Variants in EPHA6 observed in about 807,000 individuals in gnomAD.
EPHA6 encodes the protein ephrin type-A receptor 6.
In EPHA6, 50 loss-of-function variants were observed where a neutral mutation model predicts 112.0. That is an observed-to-expected ratio of 0.45 (90% CI 0.36 to 0.56). The LOEUF is 0.56. Ranked by LOEUF, EPHA6 falls within the 20% of genes least tolerant of loss-of-function variation. The pLI, the probability that EPHA6 is intolerant of heterozygous loss-of-function variation, is 0.00. For synonymous variants in EPHA6, 529 were observed against 490.7 expected (o/e 1.08, Z -1.03); for missense variants, 1,280 against 1,417.4 (o/e 0.90, Z 1.56).
At chr3:97,501,045 G>T (rs1199227142) in intron 10 of EPHA6, among the ~76,000 whole-genome samples, 1 of 152,010 alleles carries the variant, frequency 6.6e-6, no homozygotes, top group Non-Finnish European at 1.5e-5. Context: ...AACAGTTCTG[G>T]ACTTTAGTTT....
chr3:96,823,824 G>C (rs997976848), intron 1 of EPHA6, among the ~76,000 whole-genome samples: 5 of 151,694 alleles, frequency 3.3e-5, no homozygotes, highest in African/African-American at 1.2e-4. Context: ...AATTTAATGA[G>C]GGAGCAGTCA....
At chr3:97,273,574 G>A (rs1477401917) in intron 5 of EPHA6, among the ~76,000 whole-genome samples, 1 of 152,164 alleles carries the variant, frequency 6.6e-6, no homozygotes, top group Non-Finnish European at 1.5e-5. Flanking sequence ...AAAGTGGTAA[G>A]AGTATTGTCC....
intron 12 of EPHA6, among the ~76,000 whole-genome samples, chr3:97,594,992 TA>T (rs2093575395): frequency 6.6e-6 from 1 of 152,212 alleles, no homozygotes; most frequent in African/African-American, 2.4e-5. Flanking sequence ...CTCAATTACT[TA>T]TCATAATCAA....
chr3:97,691,575 T>C (rs1236934920), intron 14 of EPHA6, among the ~76,000 whole-genome samples: 2 of 152,210 alleles, frequency 1.3e-5, no homozygotes, highest in Non-Finnish European at 2.9e-5. Context: ...TACTGACTTC[T>C]ATAAATATAC....
intron 2 of EPHA6, among the ~76,000 whole-genome samples, chr3:96,935,900 A>G (rs2040557122): frequency 6.6e-6 from 1 of 151,902 alleles, no homozygotes; most frequent in South Asian, 2.1e-4. Flanking sequence ...CTCATTAGTG[A>G]AAATGAATAT....
chr3:97,219,282 T>A (rs1576706402), intron 3 of EPHA6, among the ~76,000 whole-genome samples: 1 of 152,238 alleles, frequency 6.6e-6, no homozygotes, highest in East Asian at 1.9e-4. Flanking sequence ...GTGTTGGGGC[T>A]TAAACCCTAC....
chr3:96,866,136 T>C (rs1226931813), intron 1 of EPHA6, among the ~76,000 whole-genome samples: 1 of 152,106 alleles, frequency 6.6e-6, no homozygotes, highest in Non-Finnish European at 1.5e-5. Context: ...AACCCAACTT[T>C]AGCTTAACTT....
chr3:96,920,519 C>T (rs927667437), intron 2 of EPHA6, among the ~76,000 whole-genome samples: 2 of 152,018 alleles, frequency 1.3e-5, no homozygotes, highest in African/African-American at 4.8e-5. Flanking sequence ...TTCTCTTGGT[C>T]AATTAAGTTC....
intron 3 of EPHA6, among the ~76,000 whole-genome samples, chr3:97,024,518 TG>T (rs1274400450): frequency 6.6e-6 from 1 of 152,200 alleles, no homozygotes; most frequent in Non-Finnish European, 1.5e-5. Context: ...ATGAAGAATT[TG>T]AATAAAGCAT....
chr3:97,655,123 T>C (rs2094130165), intron 14 of EPHA6, among the ~76,000 whole-genome samples: 1 of 147,818 alleles, frequency 6.8e-6, no homozygotes, highest in Admixed American at 6.8e-5. Flanking sequence ...TTATATATTT[T>C]ATATATATAT....
At chr3:96,981,911 C>A (rs2042807310) in intron 2 of EPHA6, among the ~76,000 whole-genome samples, 1 of 152,070 alleles carries the variant, frequency 6.6e-6, no homozygotes, top group Admixed American at 6.6e-5. Flanking sequence ...TCCCCTTTAT[C>A]ATTTTTTATT....
At chr3:97,079,443 A>T (rs115177928) in intron 3 of EPHA6, among the ~76,000 whole-genome samples, 2,409 of 152,022 alleles carry the variant, frequency 0.016, 58 homozygotes, top group African/African-American at 0.056. Flanking sequence ...CACTGGGCCT[A>T]TCAGAGGGTG....
chr3:97,256,039 T>G (rs1398680888), intron 5 of EPHA6, among the ~76,000 whole-genome samples: 1 of 152,108 alleles, frequency 6.6e-6, no homozygotes, highest in Non-Finnish European at 1.5e-5. Flanking sequence ...TCTGAAGACC[T>G]TTTCTTATGA....
intron 2 of EPHA6, among the ~76,000 whole-genome samples, chr3:96,944,409 A>G (rs927999948): frequency 6.6e-6 from 1 of 151,610 alleles, no homozygotes; most frequent in African/African-American, 2.4e-5. Context: ...TATATGGTCC[A>G]TATGATCTTA....
At position 97,188,039 on chromosome 3, in the gene EPHA6, A is replaced by C. The variant is rs530048784; in HGVS notation, c.1115-38225A>C. ...CTCATTCTCTGCTGTTGAAACTATA[A>C]ATTGACATAATCCCTTTAGAAAAAA... On this transcript the variant is annotated intron_variant, in intron 3 of 17. Transcript: ENST00000389672. Among the ~76,000 whole-genome samples the C allele has an allele frequency of 3.3e-5, 5 of 152,274 alleles. No homozygotes were observed. In the South Asian group the frequency reaches 8.3e-4, roughly 25 times the overall value.
intron 1 of EPHA6, among the ~76,000 whole-genome samples, chr3:96,856,890 T>C (rs1203631113): frequency 1.3e-5 from 2 of 152,056 alleles, no homozygotes; most frequent in Non-Finnish European, 2.9e-5. Context: ...TATAAATGAG[T>C]CTCCTGTATG....
intron 3 of EPHA6, among the ~76,000 whole-genome samples, chr3:97,074,589 C>T (rs1315831255): frequency 6.6e-6 from 1 of 151,774 alleles, no homozygotes; most frequent in Non-Finnish European, 1.5e-5. Flanking sequence ...TCAAACTCCT[C>T]ATTTGAAAAA....
intron 2 of EPHA6, among the ~76,000 whole-genome samples, chr3:96,890,209 GAACAGCAA>G (rs760165025): frequency 1.3e-5 from 2 of 151,756 alleles, no homozygotes; most frequent in Non-Finnish European, 2.9e-5. Flanking sequence ...AAACCAGTAA[GAACAGCAA>G]AAGGCAACAC....
At chr3:96,839,503 G>A (rs74641574) in intron 1 of EPHA6, among the ~76,000 whole-genome samples, 4,261 of 152,116 alleles carry the variant, frequency 0.028, 105 homozygotes, top group East Asian at 0.069. Context: ...TTTGAGGACC[G>A]CTGCCCTAAA....
Sources: gnomAD v4.1 joint callset for allele counts (sites outside exome capture counted in the v4.1 genomes callset) on GRCh38, gnomAD v4.1.1 for gene constraint, MANE v1.5 for transcripts, NCBI Gene and HGNC (gene_info 2026-07-23, HGNC 2026-07-21) for gene names.